Variants in ADK observed in about 807,000 individuals in gnomAD.
ADK encodes adenosine kinase, also known as N6,N6-dimethyladenosine kinase.
Under a neutral mutation model 44.7 loss-of-function variants are expected in ADK, and 24 were observed. The observed-to-expected ratio is 0.54, with a 90% CI of 0.39 to 0.76. ADK has a LOEUF of 0.76. ADK is among the 30% of genes least tolerant of loss of function. ADK has a pLI of 0.00. For missense variants in ADK, 321 were observed against 425.1 expected (o/e 0.76, Z 2.15); for synonymous variants, 128 against 142.6 (o/e 0.90, Z 0.73).
At chr10:74,350,510 GA>G (rs1336758527) in intron 4 of ADK, among the ~76,000 whole-genome samples, 2 of 151,990 alleles carry the variant, frequency 1.3e-5, no homozygotes, top group African/African-American at 4.8e-5. Flanking sequence ...AAGAACTAGA[GA>G]AGCAACAGCA....
intron 4 of ADK, among the ~76,000 whole-genome samples, chr10:74,383,967 T>C (rs1307591946): frequency 6.6e-6 from 1 of 152,210 alleles, no homozygotes; most frequent in African/African-American, 2.4e-5. Context: ...TTGGGGGTAG[T>C]GTGTCCTGAT....
At chr10:74,185,711 C>T (rs1842729190) in intron 1 of ADK, among the ~76,000 whole-genome samples, 1 of 151,180 alleles carries the variant, frequency 6.6e-6, no homozygotes, top group African/African-American at 2.4e-5. Flanking sequence ...TAGCGGGCGC[C>T]TGTAGTCCCA....
chr10:74,422,950 C>G (rs1232085628), intron 6 of ADK, among the ~76,000 whole-genome samples: 1 of 152,116 alleles, frequency 6.6e-6, no homozygotes, highest in Non-Finnish European at 1.5e-5. Flanking sequence ...TGATGACAGC[C>G]AGCTGAAGGA....
At chr10:74,484,511 A>G (rs147328134) in intron 6 of ADK, among the ~76,000 whole-genome samples, 6 of 152,204 alleles carry the variant, frequency 3.9e-5, no homozygotes, top group Non-Finnish European at 5.9e-5. Context: ...AATTTTTAAT[A>G]TTATTTAAAA....
At chr10:74,408,111 C>G (rs955404198) in intron 6 of ADK, among the ~76,000 whole-genome samples, 7 of 151,414 alleles carry the variant, frequency 4.6e-5, no homozygotes, top group South Asian at 2.1e-4. Flanking sequence ...TACCCAGTAG[C>G]TGGGATTATA....
intron 3 of ADK, among the ~76,000 whole-genome samples, chr10:74,239,012 C>T (rs956223448): frequency 2.6e-5 from 4 of 151,960 alleles, no homozygotes; most frequent in Admixed American, 2.0e-4. Context: ...AGGGGCCAGC[C>T]ACCATGCCCA....
At chr10:74,342,016 A>T (rs1841599371) in intron 4 of ADK, among the ~76,000 whole-genome samples, 1 of 152,136 alleles carries the variant, frequency 6.6e-6, no homozygotes, top group Non-Finnish European at 1.5e-5. Flanking sequence ...AGTAGCATGA[A>T]AAAAAAGCTT....
intron 1 of ADK, chr10:74,174,532 TC>T (rs1842263914): frequency 6.6e-6 from 1 of 152,078 alleles, no homozygotes; most frequent in African/African-American, 2.4e-5. Context: ...TTTAACAAGA[TC>T]CACGAGATTT....
rs79823819 is a variant in ADK at position 74,581,764 on chromosome 10, A to G, written c.727-7518A>G. Reference sequence around the variant, plus strand: ...GCAGTCTCCTCAACAGAAACAATGCAAGCTAGACCTTGGAACACAGAAGGA... The same window carrying G: ...GCAGTCTCCTCAACAGAAACAATGCGAGCTAGACCTTGGAACACAGAAGGA... On this transcript the variant is annotated intron_variant, in intron 7 of 10. Transcript: ENST00000539909. Among the ~76,000 whole-genome samples, 410 of 152,360 alleles carry G rather than the reference A, an allele frequency of 2.7e-3. 3 individuals carry two copies. The highest frequency in any genetic ancestry group is 9.4e-3 in the African/African-American group (391 of 41,590).
At position 74,381,289 on chromosome 10, in the gene ADK, T is replaced by C. The variant is rs1023327580; in HGVS notation, c.274-12852T>C. 9.2e-5 allele frequency among the ~76,000 whole-genome samples: 14 copies of C among 152,382 alleles called. No individual in the cohort carries two copies. In the South Asian group the frequency reaches 1.9e-3, roughly 20 times the overall value. On this transcript the variant is annotated intron_variant, in intron 4 of 10. Coordinates refer to ENST00000539909, the MANE Select transcript of ADK (RefSeq NM_006721.4). Reference sequence around the variant, plus strand: ...TTGATTTGACATTAAAAATTACTTTTCTAATCTGTATTAGATTTTTGCTAA... The same window carrying C: ...TTGATTTGACATTAAAAATTACTTTCCTAATCTGTATTAGATTTTTGCTAA...
intron 3 of ADK, among the ~76,000 whole-genome samples, chr10:74,273,240 TC>T (rs1846512207): frequency 6.6e-6 from 1 of 151,792 alleles, no homozygotes; most frequent in African/African-American, 2.4e-5. Context: ...GCGGAGAGCC[TC>T]CTTGCTTAAG....
intron 3 of ADK, among the ~76,000 whole-genome samples, chr10:74,299,116 A>G (rs1236412526): frequency 6.6e-6 from 1 of 152,160 alleles, no homozygotes; most frequent in Non-Finnish European, 1.5e-5. Context: ...AGACGTGAAT[A>G]TTTTCAAAAA....
chr10:74,313,940 C>T (rs1258974835), intron 3 of ADK, among the ~76,000 whole-genome samples: 1 of 151,350 alleles, frequency 6.6e-6, no homozygotes, highest in Non-Finnish European at 1.5e-5. Context: ...TCAGGTAATC[C>T]ATCCAACTAT....
intron 1 of ADK, among the ~76,000 whole-genome samples, chr10:74,199,153 A>C (rs1019245545): frequency 6.6e-6 from 1 of 152,210 alleles, no homozygotes; most frequent in Admixed American, 6.5e-5. Flanking sequence ...TGAAGGGTAG[A>C]TAGGGCTCTT....
intron 4 of ADK, among the ~76,000 whole-genome samples, chr10:74,337,291 C>T (rs991447911): frequency 3.9e-5 from 6 of 152,140 alleles, no homozygotes; most frequent in Admixed American, 2.6e-4. Flanking sequence ...AATTTAGTTT[C>T]GGGACTAACT....
intron 7 of ADK, among the ~76,000 whole-genome samples, chr10:74,536,483 A>T (rs1849453683): frequency 7.2e-6 from 1 of 139,206 alleles, no homozygotes; most frequent in South Asian, 2.1e-4. Context: ...AATTCTGGTA[A>T]AAAAAAAATA....
intron 4 of ADK, chr10:74,344,717 A>C (rs1841704080): frequency 5.8e-6 from 1 of 172,726 alleles, no homozygotes. Context: ...AACACAGTCC[A>C]AAAAGCAGAT....
At chr10:74,232,634 AT>A (rs1214874304) in intron 3 of ADK, among the ~76,000 whole-genome samples, 30 of 148,732 alleles carry the variant, frequency 2.0e-4, no homozygotes, top group African/African-American at 6.9e-4. Context: ...TAAAAAAAAA[AT>A]TTTTTTTTGA....
intron 4 of ADK, among the ~76,000 whole-genome samples, chr10:74,350,368 T>C (rs1841923584): frequency 6.6e-6 from 1 of 151,970 alleles, no homozygotes; most frequent in Non-Finnish European, 1.5e-5. Context: ...TTGAAACCAA[T>C]GAGAACAAAG....
Sources: allele counts gnomAD v4.1 joint callset (sites outside exome capture counted in the v4.1 genomes callset), GRCh38; gene constraint gnomAD v4.1.1; transcripts MANE v1.5; gene names NCBI Gene and HGNC (gene_info 2026-07-23, HGNC 2026-07-21).